RBFOX1: variants seen among roughly 807,000 people sequenced by gnomAD.
The protein encoded by RBFOX1 is RNA binding fox-1 homolog 1, also known as RNA binding protein fox-1 homolog 1.
A neutral mutation model predicts 57.7 loss-of-function variants in RBFOX1; 8 were observed. That is an observed-to-expected ratio of 0.14 (90% CI 0.08 to 0.25). RBFOX1 has a LOEUF of 0.25. Among genes scored for constraint, RBFOX1 ranks in the 10% least tolerant of loss-of-function variants. RBFOX1 has a pLI of 1.00. For synonymous variants in RBFOX1, 326 were observed against 222.4 expected (o/e 1.47, Z -4.15); for missense variants, 611 against 548.5 (o/e 1.11, Z -1.14).
chr16:6,547,508 T>G (rs2096912737), intron 2 of RBFOX1, among the ~76,000 whole-genome samples: 1 of 152,140 alleles, frequency 6.6e-6, no homozygotes. Flanking sequence ...CAAATTGTGG[T>G]TCTTTTTTTT....
intron 1 of RBFOX1, among the ~76,000 whole-genome samples, chr16:5,362,356 G>C (rs550275030): frequency 2.0e-5 from 3 of 151,366 alleles, no homozygotes; most frequent in Non-Finnish European, 4.4e-5. Context: ...ACGCCCAGAT[G>C]GTTTTTGTAT....
intron 4 of RBFOX1, among the ~76,000 whole-genome samples, chr16:7,209,596 T>C (rs903153420): frequency 6.6e-6 from 1 of 152,200 alleles, no homozygotes; most frequent in Non-Finnish European, 1.5e-5. Flanking sequence ...TCATCAAAAA[T>C]GGCTCCTCTT....
At chr16:6,987,578 G>A (rs572663391) in intron 3 of RBFOX1, among the ~76,000 whole-genome samples, 1 of 151,650 alleles carries the variant, frequency 6.6e-6, no homozygotes, top group South Asian at 2.1e-4. Context: ...GGTGGGCACA[G>A]GTGCACAAAC....
chr16:7,306,402 G>A (rs896616199), intron 4 of RBFOX1, among the ~76,000 whole-genome samples: 2 of 152,148 alleles, frequency 1.3e-5, no homozygotes, highest in Non-Finnish European at 2.9e-5. Context: ...AACATTGGCA[G>A]CCACAACAAA....
At chr16:5,384,523 C>A (rs1249938276) in intron 1 of RBFOX1, among the ~76,000 whole-genome samples, 1 of 152,056 alleles carries the variant, frequency 6.6e-6, no homozygotes, top group African/African-American at 2.4e-5. Context: ...CAAGAGTAGG[C>A]CAGGCAGAGG....
intron 3 of RBFOX1, among the ~76,000 whole-genome samples, chr16:6,724,867 T>G (rs1283046370): frequency 1.3e-5 from 2 of 152,234 alleles, no homozygotes; most frequent in Middle Eastern, 3.4e-3. Context: ...TTTTTCCTAA[T>G]GCTCTGCCTC....
At chr16:5,705,521 A>T (rs1055962225) in intron 3 of RBFOX1, among the ~76,000 whole-genome samples, 2 of 152,190 alleles carry the variant, frequency 1.3e-5, no homozygotes, top group African/African-American at 2.4e-5. Context: ...CAGCTTTTAA[A>T]CACCTCTGTA....
chr16:6,015,849 C>T (rs577955673), upstream of RBFOX1, among the ~76,000 whole-genome samples: 1 of 152,312 alleles, frequency 6.6e-6, no homozygotes, highest in East Asian at 1.9e-4. Context: ...TGCAATCACT[C>T]ATTTATGTGT....
intron 4 of RBFOX1, among the ~76,000 whole-genome samples, chr16:5,895,310 A>G (rs2152160539): frequency 6.6e-6 from 1 of 152,350 alleles, no homozygotes; most frequent in South Asian, 2.1e-4. Context: ...AACTTGTAGA[A>G]AATCCCAGGA....
chr16:6,307,551 T>C (rs2079666375), intron 1 of RBFOX1, among the ~76,000 whole-genome samples: 1 of 148,958 alleles, frequency 6.7e-6, no homozygotes, highest in South Asian at 2.1e-4. Flanking sequence ...ATTAAGTCAT[T>C]ATATAATATC....
intron 4 of RBFOX1, among the ~76,000 whole-genome samples, chr16:7,129,045 C>A (rs1251657048): frequency 6.6e-6 from 1 of 151,762 alleles, no homozygotes; most frequent in East Asian, 1.9e-4. Flanking sequence ...GGTCTTGACA[C>A]CTTAACCTCG....
rs183193634 is a variant in RBFOX1 at position 6,719,725 on chromosome 16, C to T, written c.-16+65075C>T. ...CCTCCCAAAGTGATGGGATTACAGGCGTGAGCCACCGCACTTGGCCAAAAT... is the reference window on the plus strand; with the variant it reads ...CCTCCCAAAGTGATGGGATTACAGGTGTGAGCCACCGCACTTGGCCAAAAT... On this transcript the variant is annotated intron_variant, in intron 3 of 15. Transcript: ENST00000550418. Among the ~76,000 whole-genome samples the T allele has an allele frequency of 2.6e-3, 388 of 152,048 alleles. 1 individual carries two copies. Among genetic ancestry groups the T allele is most frequent in the Non-Finnish European group, 4.6e-3 (312 of 68,008 alleles).
chr16:5,462,235 C>T (rs2068812827), intron 1 of RBFOX1, among the ~76,000 whole-genome samples: 1 of 145,130 alleles, frequency 6.9e-6, no homozygotes, highest in Non-Finnish European at 1.5e-5. Context: ...GCGGCACTAT[C>T]TCGGCTCACT....
chr16:6,840,897 A>AAAAAAAAAAAAAAG (rs751671784), intron 3 of RBFOX1, among the ~76,000 whole-genome samples: 2 of 137,500 alleles, frequency 1.5e-5, no homozygotes, highest in African/African-American at 2.8e-5. Context: ...CAAAAAAAAA[A>AAAAAAAAAAAAAAG]AAAAAAACGA....
At chr16:5,732,186 G>C (rs774190522) in intron 3 of RBFOX1, among the ~76,000 whole-genome samples, 1 of 152,182 alleles carries the variant, frequency 6.6e-6, no homozygotes, top group Non-Finnish European at 1.5e-5. Flanking sequence ...CTGCTGCATG[G>C]AGATAATAGT....
At chr16:5,291,057 A>T (rs1366245341) in intron 1 of RBFOX1, among the ~76,000 whole-genome samples, 2 of 152,116 alleles carry the variant, frequency 1.3e-5, no homozygotes, top group Non-Finnish European at 2.9e-5. Context: ...CAAGCGAGAG[A>T]ATCAGGAAAT....
intron 3 of RBFOX1, among the ~76,000 whole-genome samples, chr16:5,759,649 C>T (rs2053525813): frequency 6.6e-6 from 1 of 152,200 alleles, no homozygotes; most frequent in Non-Finnish European, 1.5e-5. Flanking sequence ...GCAAAGCTCT[C>T]ATGCTGATCT....
intron 4 of RBFOX1, among the ~76,000 whole-genome samples, chr16:7,408,135 G>T (rs2098378494): frequency 1.3e-5 from 2 of 152,188 alleles, no homozygotes; most frequent in Admixed American, 1.3e-4. Flanking sequence ...ATGGGGGTCA[G>T]AACATACACA....
At chr16:6,918,368 G>T (rs1455025893) in intron 3 of RBFOX1, among the ~76,000 whole-genome samples, 1 of 151,930 alleles carries the variant, frequency 6.6e-6, no homozygotes, top group African/African-American at 2.4e-5. Context: ...CATTGTTTAT[G>T]AATTTTTAAC....
Sources: gnomAD v4.1 joint callset for allele counts (sites outside exome capture counted in the v4.1 genomes callset) on GRCh38, gnomAD v4.1.1 for gene constraint, MANE v1.5 for transcripts, NCBI Gene and HGNC (gene_info 2026-07-23, HGNC 2026-07-21) for gene names.